Variants in GPR158 observed in about 807,000 individuals in gnomAD.
GPR158 encodes the protein G protein-coupled receptor 158, also known as metabotropic glycine receptor.
A neutral mutation model predicts 78.2 loss-of-function variants in GPR158; 30 were observed. The observed-to-expected ratio is 0.38, with a 90% confidence interval of 0.29 to 0.52. The LOEUF (loss-of-function observed/expected upper bound fraction) is 0.52. Ranked by LOEUF, GPR158 falls within the 20% of genes least tolerant of loss-of-function variation. GPR158 has a pLI of 0.83. For synonymous variants in GPR158, 581 were observed against 591.1 expected (o/e 0.98, Z 0.25); for missense variants, 1,463 against 1,523.5 (o/e 0.96, Z 0.66).
intron 2 of GPR158, among the ~76,000 whole-genome samples, chr10:25,267,961 T>C (rs898863383): frequency 6.6e-6 from 1 of 152,156 alleles, no homozygotes; most frequent in Non-Finnish European, 1.5e-5. Context: ...CTTAATTTTA[T>C]TATCACATAT....
At chr10:25,426,753 A>G (rs1834829635) in intron 4 of GPR158, among the ~76,000 whole-genome samples, 1 of 152,168 alleles carries the variant, frequency 6.6e-6, no homozygotes, top group South Asian at 2.1e-4. Flanking sequence ...TGTGAGAATT[A>G]CCAAAATGTG....
At chr10:25,344,939 A>C (rs1855353231) in intron 2 of GPR158, among the ~76,000 whole-genome samples, 1 of 152,008 alleles carries the variant, frequency 6.6e-6, no homozygotes, top group African/African-American at 2.4e-5. Flanking sequence ...TGGAGGAAGC[A>C]AGGCAACTCT....
At chr10:25,331,315 T>C (rs933915613) in intron 2 of GPR158, among the ~76,000 whole-genome samples, 1 of 152,196 alleles carries the variant, frequency 6.6e-6, no homozygotes, top group Non-Finnish European at 1.5e-5. Context: ...TATCTGCCAC[T>C]GGTAAGGGAA....
Position 25,558,674 on chromosome 10 carries a change from C to T in GPR158, c.1514+7589C>T, listed in dbSNP as rs77729637. On this transcript the variant is annotated intron_variant, in intron 6 of 10. Coordinates refer to ENST00000376351, the MANE Select transcript of GPR158 (RefSeq NM_020752.3). ...CCCTCACCCAGCATTTGTACATGCT[C>T]AGTCCAAAACAACTGAGTTGTGTTT... is the stretch of plus-strand genomic sequence containing the variant. Among the ~76,000 whole-genome samples, 714 of 152,340 alleles carry T rather than the reference C, an allele frequency of 4.7e-3. 24 individuals are homozygous for T. The highest frequency in any genetic ancestry group is 0.036 in the East Asian group (188 of 5,186).
chr10:25,175,684 C>G lies in GPR158; in HGVS notation c.264C>G (p.Thr88=), dbSNP rs773806437. 1.2e-6 allele frequency: 2 copies of G among 1,611,700 alleles called. No homozygotes were observed. The highest frequency in any genetic ancestry group is 1.7e-5 in the Admixed American group (1 of 60,026). The change falls in exon 1 of 11, where the codon ACC becomes ACG. Residue 88 remains threonine, a synonymous_variant. Transcript: ENST00000376351. This position sits in a 1 kb window ranked among gnomAD's most constrained non-coding sequence, Gnocchi z 6.4. ...VPMDVASYLY[T]GDSHQLKRAN... is the part of the protein sequence containing the mutation. The stretch of plus-strand genomic sequence containing the variant: ...TGGACGTGGCCTCTTACCTCTACAC[C>G]GGGGACTCCCACCAGCTGAAGCGAG...
intron 2 of GPR158, among the ~76,000 whole-genome samples, chr10:25,345,413 CT>C (rs1439117702): frequency 6.6e-6 from 1 of 151,922 alleles, no homozygotes; most frequent in Non-Finnish European, 1.5e-5. Context: ...CATGGGGATT[CT>C]AAACCTAAGT....
chr10:25,418,917 A>G (rs1475515987), intron 4 of GPR158, among the ~76,000 whole-genome samples: 1 of 151,394 alleles, frequency 6.6e-6, no homozygotes, highest in Non-Finnish European at 1.5e-5. Flanking sequence ...TTAGAAGTTG[A>G]CAAGAGATTT....
chr10:25,300,807 A>C (rs1267977852), intron 2 of GPR158, among the ~76,000 whole-genome samples: 1 of 152,164 alleles, frequency 6.6e-6, no homozygotes, highest in Admixed American at 6.5e-5. Context: ...AAGAAATAGA[A>C]ACATGGAAAT....
intron 10 of GPR158, among the ~76,000 whole-genome samples, chr10:25,597,004 G>A (rs74817103): frequency 0.023 from 3,441 of 152,256 alleles, 54 homozygotes; most frequent in African/African-American, 0.045. Context: ...AAATTAGAAT[G>A]CACAGGCCAT....
chr10:25,538,809 G>A (rs1836535796), intron 5 of GPR158, among the ~76,000 whole-genome samples: 1 of 152,168 alleles, frequency 6.6e-6, no homozygotes. Context: ...GATTATTAAG[G>A]ATGGTATAAA....
chr10:25,582,227 C>G (rs1047840879), intron 7 of GPR158, among the ~76,000 whole-genome samples: 1 of 152,140 alleles, frequency 6.6e-6, no homozygotes, highest in African/African-American at 2.4e-5. Context: ...GAAGACATAG[C>G]CTGCTCCTCT....
intron 6 of GPR158, among the ~76,000 whole-genome samples, chr10:25,551,847 A>G (rs1369639833): frequency 6.6e-6 from 1 of 152,166 alleles, no homozygotes; most frequent in Non-Finnish European, 1.5e-5. Context: ...CTGTATCCCT[A>G]TAAAGAAAAC....
chr10:25,359,298 G>A (rs1051299077), intron 2 of GPR158, among the ~76,000 whole-genome samples: 1 of 151,980 alleles, frequency 6.6e-6, no homozygotes, highest in Non-Finnish European at 1.5e-5. Context: ...TGAGATACAT[G>A]TGCAGAATGT....
chr10:25,544,647 T>A (rs1417271258), intron 5 of GPR158, among the ~76,000 whole-genome samples: 1 of 152,194 alleles, frequency 6.6e-6, no homozygotes, highest in Non-Finnish European at 1.5e-5. Context: ...TAGTCTGTTA[T>A]GAAATTTGTC....
Position 25,412,423 on chromosome 10 carries a change from C to T in GPR158, c.1285C>T (p.Leu429=). The T allele has an allele frequency of 6.2e-7, 1 of 1,614,102 alleles. No individual in the cohort carries two copies. The highest frequency in any genetic ancestry group is 8.5e-7 in the Non-Finnish European group (1 of 1,179,912). Residue 429 remains leucine, a synonymous_variant, in exon 4 of 11, where the codon CTG becomes TTG. Coordinates refer to ENST00000376351, the MANE Select transcript of GPR158 (RefSeq NM_020752.3). ...AIISFQALCM[L]LDFVSMLVVY... The stretch of plus-strand genomic sequence containing the variant: ...CATCTCCTTCCAAGCCCTGTGTATG[C>T]TGCTCGACTTCGTTAGCATGCTGGT...
intron 7 of GPR158, among the ~76,000 whole-genome samples, chr10:25,583,399 T>C (rs906487321): frequency 2.0e-5 from 3 of 152,198 alleles, no homozygotes; most frequent in African/African-American, 7.2e-5. Flanking sequence ...TCTCATTGTT[T>C]TAATCAGTGT....
intron 2 of GPR158, among the ~76,000 whole-genome samples, chr10:25,312,176 A>G (rs1854773925): frequency 1.3e-5 from 2 of 152,132 alleles, no homozygotes; most frequent in Non-Finnish European, 2.9e-5. Context: ...ATCTGAAACC[A>G]TTTCAGAGGA....
At chr10:25,569,451 A>G (rs920479087) in intron 6 of GPR158, among the ~76,000 whole-genome samples, 1 of 152,204 alleles carries the variant, frequency 6.6e-6, no homozygotes, top group Non-Finnish European at 1.5e-5. Context: ...TATCAAAAAA[A>G]ATATTTATCA....
rs527875929 is a variant in GPR158 at position 25,438,567 on chromosome 10, T to C, written c.1335+26094T>C. On this transcript the variant is annotated intron_variant, in intron 4 of 10. Transcript: ENST00000376351. The stretch of plus-strand genomic sequence containing the variant: ...GAGAAATCCCCAGGAGGGAGAGATA[T>C]AACAGTAATTAGCATCTTCAGTTAC... 2.0e-5 allele frequency among the ~76,000 whole-genome samples: 3 copies of C among 152,338 alleles called. No individual in the cohort carries two copies. The South Asian group carries it at 6.2e-4, about 32-fold the overall frequency.
Sources: allele counts gnomAD v4.1 joint callset (sites outside exome capture counted in the v4.1 genomes callset), GRCh38; gene constraint gnomAD v4.1.1; non-coding constraint Gnocchi (gnomAD v3.1); transcripts MANE v1.5; gene names NCBI Gene and HGNC (gene_info 2026-07-23, HGNC 2026-07-21).